Variants in ATP2B2 observed in about 807,000 individuals in gnomAD.
ATP2B2 encodes ATPase plasma membrane Ca2+ transporting 2.
A neutral mutation model predicts 120.0 loss-of-function variants in ATP2B2; 15 were observed. The observed-to-expected ratio is 0.12, with a 90% CI of 0.08 to 0.19. The LOEUF (loss-of-function observed/expected upper bound fraction) is 0.19. Ranked by LOEUF, ATP2B2 falls within the 10% of genes least tolerant of loss-of-function variation. The pLI is 1.00. For missense variants in ATP2B2, 1,045 were observed against 1,719.8 expected (o/e 0.61, Z 6.94); for synonymous variants, 694 against 700.3 (o/e 0.99, Z 0.14).
intron 2 of ATP2B2, among the ~76,000 whole-genome samples, chr3:10,578,417 C>T (rs142769377): frequency 6.6e-6 from 1 of 151,778 alleles, no homozygotes; most frequent in Non-Finnish European, 1.5e-5. Context: ...TGTGGTGGCA[C>T]GTGCCTGTAG....
chr3:10,418,884 A>G (rs954566904), intron 2 of ATP2B2, among the ~76,000 whole-genome samples: 2 of 152,192 alleles, frequency 1.3e-5, no homozygotes, highest in African/African-American at 4.8e-5. Flanking sequence ...AATTCAGTCG[A>G]GGGCAGAACT....
chr3:10,345,388 G>A lies in ATP2B2; in HGVS notation c.2699C>T (p.Thr900Met), dbSNP rs1310353379. Reference protein sequence around the residue: ...VIVAFTGACITQDSPLKAVQM... With the variant: ...VIVAFTGACIMQDSPLKAVQM... ...TGTGGTCTCCTGCGGACCCACCTGC[G>A]TGATGCAGGCGCCTGTGAAGGCCAC... Residue 900 changes from threonine to methionine, a missense_variant, in exon 18 of 23, where the codon ACG (threonine) becomes ATG (methionine). By Grantham distance (81) the Thr-to-Met change is moderately conservative. Around this residue, in one of 11 missense-constraint regions of ATP2B2, gnomAD observed 98 missense variants for 266.7 expected, o/e 0.37. Coordinates refer to ENST00000360273, the MANE Select transcript of ATP2B2 (RefSeq NM_001001331.4). 6.2e-6 allele frequency: 10 copies of A among 1,614,180 alleles called. No individual in the cohort carries two copies. The highest frequency in any genetic ancestry group is 1.7e-4 in the Middle Eastern group (1 of 6,060).
chr3:10,346,385 G>C lies in ATP2B2; in HGVS notation c.2405-248C>G, dbSNP rs781719373. Among the ~76,000 whole-genome samples, 9 of 152,228 alleles carry C rather than the reference G, an allele frequency of 5.9e-5. No individual in the cohort carries two copies. Among genetic ancestry groups the C allele is most frequent in the Non-Finnish European group, 1.2e-4 (8 of 68,038 alleles). ...GGCCCGGGCCCTGCTCACCTCTCCAGCCCCCTCTTTGCTGTCTGCAACCTG... is the reference window on the plus strand; with the variant it reads ...GGCCCGGGCCCTGCTCACCTCTCCACCCCCCTCTTTGCTGTCTGCAACCTG... On this transcript the variant is annotated intron_variant, in intron 16 of 22. Coordinates refer to ENST00000360273, the MANE Select transcript of ATP2B2 (RefSeq NM_001001331.4). This position sits in a 1 kb window ranked among gnomAD's most constrained non-coding sequence, Gnocchi z 4.1.
chr3:10,519,635 G>T (rs1167285348), intron 3 of ATP2B2, among the ~76,000 whole-genome samples: 1 of 152,216 alleles, frequency 6.6e-6, no homozygotes, highest in Non-Finnish European at 1.5e-5. Context: ...AGCTTCCAAT[G>T]AATGTTTTGA....
At chr3:10,623,054 C>CTT (rs34097914) in intron 1 of ATP2B2, among the ~76,000 whole-genome samples, 3,136 of 106,348 alleles carry the variant, frequency 0.029, 88 homozygotes, top group African/African-American at 0.049. Context: ...TTGGTCAGCT[C>CTT]TTTTTTTTTT....
intron 1 of ATP2B2, among the ~76,000 whole-genome samples, chr3:10,692,655 T>A (rs2600071): frequency 6.6e-6 from 1 of 152,120 alleles, no homozygotes; most frequent in Non-Finnish European, 1.5e-5. Context: ...CTCCAGGATG[T>A]GGGTTCCCGG....
chr3:10,550,520 T>A (rs953059552), intron 2 of ATP2B2, among the ~76,000 whole-genome samples: 4 of 152,214 alleles, frequency 2.6e-5, no homozygotes, highest in African/African-American at 9.7e-5. Context: ...GATAGTTTTT[T>A]AAAAAGGTCT....
intron 1 of ATP2B2, among the ~76,000 whole-genome samples, chr3:10,632,391 G>A (rs548160511): frequency 6.6e-6 from 1 of 152,238 alleles, no homozygotes; most frequent in East Asian, 1.9e-4. Flanking sequence ...TTGCCACCCC[G>A]GGGCAGGCCA....
At chr3:10,556,042 G>A (rs977448840) in intron 2 of ATP2B2, among the ~76,000 whole-genome samples, 1 of 152,198 alleles carries the variant, frequency 6.6e-6, no homozygotes. Flanking sequence ...GGGATTACAG[G>A]CACCCACCAC....
chr3:10,479,265 C>A (rs2065314543), intron 1 of ATP2B2, among the ~76,000 whole-genome samples: 1 of 151,904 alleles, frequency 6.6e-6, no homozygotes, highest in Non-Finnish European at 1.5e-5. Flanking sequence ...ATCTTCAAAG[C>A]ACTGGGTGGC....
intron 1 of ATP2B2, among the ~76,000 whole-genome samples, chr3:10,489,858 C>T (rs1265649406): frequency 1.3e-5 from 2 of 152,256 alleles, no homozygotes; most frequent in African/African-American, 4.8e-5. Context: ...GGCCACATCA[C>T]TCCTCAACTT....
At chr3:10,698,724 T>C (rs995108564) in intron 1 of ATP2B2, among the ~76,000 whole-genome samples, 1 of 152,184 alleles carries the variant, frequency 6.6e-6, no homozygotes, top group African/African-American at 2.4e-5. Flanking sequence ...CGAGCCAGCC[T>C]GGGGAATGTG....
At chr3:10,372,639 C>T (rs898190489) in intron 11 of ATP2B2, among the ~76,000 whole-genome samples, 1 of 152,118 alleles carries the variant, frequency 6.6e-6, no homozygotes, top group African/African-American at 2.4e-5. Context: ...AAAAACCACA[C>T]ATTTCTTTAA....
intron 2 of ATP2B2, among the ~76,000 whole-genome samples, chr3:10,550,487 G>A (rs1177396344): frequency 2.0e-5 from 3 of 151,804 alleles, no homozygotes; most frequent in Non-Finnish European, 4.4e-5. Flanking sequence ...TTACACCCCA[G>A]AAAGCACATT....
At chr3:10,492,924 C>T (rs985389010) in intron 1 of ATP2B2, among the ~76,000 whole-genome samples, 2 of 152,168 alleles carry the variant, frequency 1.3e-5, no homozygotes, top group African/African-American at 4.8e-5. Flanking sequence ...TAGGATGGCG[C>T]CTCCTCCTCT....
chr3:10,516,388 C>T (rs556400643), intron 3 of ATP2B2, among the ~76,000 whole-genome samples: 8 of 152,330 alleles, frequency 5.3e-5, no homozygotes, highest in African/African-American at 1.9e-4. Context: ...CCTGGCATGG[C>T]ATTGTCCTAA....
chr3:10,428,819 C>T (rs1450850675), intron 2 of ATP2B2, among the ~76,000 whole-genome samples: 1 of 152,232 alleles, frequency 6.6e-6, no homozygotes, highest in African/African-American at 2.4e-5. Context: ...TCACAGAGGC[C>T]TTCGCCCAGG....
At chr3:10,677,207 A>G (rs2071268995) in intron 1 of ATP2B2, among the ~76,000 whole-genome samples, 1 of 152,218 alleles carries the variant, frequency 6.6e-6, no homozygotes, top group African/African-American at 2.4e-5. Context: ...ACACCCAGAC[A>G]ATGGAATATT....
chr3:10,594,888 G>A (rs945766645), intron 2 of ATP2B2, among the ~76,000 whole-genome samples: 24 of 152,144 alleles, frequency 1.6e-4, no homozygotes, highest in African/African-American at 5.3e-4. Context: ...AGGCGTAAGC[G>A]GTTAAGGTCA....
Sources: gnomAD v4.1 joint callset for allele counts (sites outside exome capture counted in the v4.1 genomes callset) on GRCh38, gnomAD v4.1.1 for gene constraint, gnomAD v4.1.1 regional missense constraint, Gnocchi (gnomAD v3.1) non-coding constraint, MANE v1.5 for transcripts, NCBI Gene and HGNC (gene_info 2026-07-23, HGNC 2026-07-21) for gene names.